CNTNAP5: variants seen among roughly 807,000 people sequenced by gnomAD.
CNTNAP5 encodes the protein contactin associated protein family member 5, also known as contactin-associated protein-like 5.
A neutral mutation model predicts 150.2 loss-of-function variants in CNTNAP5; 72 were observed. That is an observed-to-expected ratio of 0.48 (90% CI 0.40 to 0.58). The LOEUF (loss-of-function observed/expected upper bound fraction) is 0.58, where lower values mean the gene tolerates loss of function less well. CNTNAP5 is among the 20% of genes least tolerant of loss of function. The pLI, the probability that CNTNAP5 is intolerant of heterozygous loss-of-function variation, is 0.00. For synonymous variants in CNTNAP5, 672 were observed against 619.8 expected, an observed-to-expected ratio of 1.08 and a Z score of -1.25; for missense variants, 1,636 against 1,626.2, an observed-to-expected ratio of 1.01 and a Z score of -0.10.
Position 124,346,165 on chromosome 2 carries a change from T to A in CNTNAP5, c.382-71278T>A, listed in dbSNP as rs565840464. Among the ~76,000 whole-genome samples the A allele has an allele frequency of 2.0e-4, 31 of 152,256 alleles. No homozygotes were observed. In the South Asian group the frequency reaches 5.8e-3, roughly 28 times the overall value. ...TACCACACTCACTTGCTTACTTAAA[T>A]TCCAAGACGTTTTCTGGGCAGCAGA... On this transcript the variant is annotated intron_variant, in intron 3 of 23. Transcript: ENST00000682447.
chr2:124,588,469 T>TA (rs1234851534), intron 11 of CNTNAP5, among the ~76,000 whole-genome samples: 4 of 151,956 alleles, frequency 2.6e-5, no homozygotes, highest in Non-Finnish European at 5.9e-5. Context: ...ACCAATACTT[T>TA]AGAAGGTGTG....
chr2:124,094,336 G>C (rs1682883264), intron 1 of CNTNAP5, among the ~76,000 whole-genome samples: 1 of 152,102 alleles, frequency 6.6e-6, no homozygotes, highest in Non-Finnish European at 1.5e-5. Context: ...GAGTAATTCT[G>C]TTGATCTACC....
At chr2:124,058,464 TAGTA>T (rs1483385534) in intron 1 of CNTNAP5, among the ~76,000 whole-genome samples, 2 of 152,090 alleles carry the variant, frequency 1.3e-5, no homozygotes, top group Non-Finnish European at 1.5e-5. Flanking sequence ...ATCTCTCCCT[TAGTA>T]AGAGTTTGCT....
At chr2:124,130,001 G>A (rs924308834) in intron 1 of CNTNAP5, among the ~76,000 whole-genome samples, 1 of 152,016 alleles carries the variant, frequency 6.6e-6, no homozygotes, top group Non-Finnish European at 1.5e-5. Flanking sequence ...ATTAAATCCC[G>A]GTCTGGGATC....
In CNTNAP5 at chr2:124,423,161, G is replaced by T. The variant is rs562327866; in HGVS notation, c.529+5571G>T. 4.1e-4 allele frequency among the ~76,000 whole-genome samples: 63 copies of T among 152,278 alleles called. No individual in the cohort carries two copies. In the Middle Eastern group the frequency reaches 0.014, roughly 33 times the overall value. On this transcript the variant is annotated intron_variant, in intron 4 of 23. Coordinates refer to ENST00000682447, the MANE Select transcript of CNTNAP5 (RefSeq NM_001367498.1). ...CTTGGGCAATCTTGGGTCCTCTGTG[G>T]ACACCAGTTTCCTTTTCTATGAAAA...
At chr2:124,694,270 T>G (rs1392385962) in intron 13 of CNTNAP5, among the ~76,000 whole-genome samples, 1 of 152,318 alleles carries the variant, frequency 6.6e-6, no homozygotes, top group South Asian at 2.1e-4. Context: ...TTTTATTTAG[T>G]TCTTTGATGA....
At chr2:124,072,872 T>C (rs1212522824) in intron 1 of CNTNAP5, among the ~76,000 whole-genome samples, 1 of 151,888 alleles carries the variant, frequency 6.6e-6, no homozygotes, top group East Asian at 1.9e-4. Context: ...AAAACTTACA[T>C]ATAATTACAA....
rs535457125 is a variant in CNTNAP5, at chr2:124,724,864, G to C, written c.2078-22365G>C. Reference sequence around the variant, plus strand: ...GCAATTCGAAGGCAACTCCTTTACTGTGGTACATTAATCCCTCAGCTTCAA... The same window carrying C: ...GCAATTCGAAGGCAACTCCTTTACTCTGGTACATTAATCCCTCAGCTTCAA... On this transcript the variant is annotated intron_variant, in intron 13 of 23. Transcript: ENST00000682447. 1.3e-4 allele frequency among the ~76,000 whole-genome samples: 20 copies of C among 149,062 alleles called. No homozygotes were observed. In the South Asian group the frequency reaches 4.4e-3, roughly 32 times the overall value.
At chr2:124,279,734 G>C (rs1390131743) in intron 3 of CNTNAP5, among the ~76,000 whole-genome samples, 1 of 152,044 alleles carries the variant, frequency 6.6e-6, no homozygotes, top group Non-Finnish European at 1.5e-5. Flanking sequence ...TGTAAATAGG[G>C]TAGAGAGAAA....
chr2:124,454,873 AC>A (rs1255703320), intron 6 of CNTNAP5, among the ~76,000 whole-genome samples: 1 of 152,028 alleles, frequency 6.6e-6, no homozygotes, highest in Non-Finnish European at 1.5e-5. Flanking sequence ...ACCTATCAAA[AC>A]CTCTGGGATA....
At chr2:124,148,674 T>C (rs959977439) in intron 1 of CNTNAP5, among the ~76,000 whole-genome samples, 1 of 150,474 alleles carries the variant, frequency 6.6e-6, no homozygotes, top group African/African-American at 2.4e-5. Flanking sequence ...ATGCATATTA[T>C]ATGAGATATA....
At position 124,685,739 on chromosome 2, in the gene CNTNAP5, AGTGT is replaced by A. The variant is rs374079431; in HGVS notation, c.2077+37801_2077+37804del. Among the ~76,000 whole-genome samples the A allele has an allele frequency of 4.1e-4, 54 of 130,790 alleles. 1 individual carries two copies. The highest frequency in any genetic ancestry group is 6.1e-4 in the East Asian group (3 of 4,924). 85.8% of individuals were successfully genotyped at this position (130,790 alleles called of 152,430 possible). A position where few individuals can be genotyped will look rare whatever the true frequency, so the allele number is the denominator to read the frequency against. ...CTGTAGACACCCAATATCTAAAGTA[AGTGT>A]GTGTGTGTGTGTGTGTGTGCGCGCG... On this transcript the variant is annotated intron_variant, in intron 13 of 23. Coordinates refer to ENST00000682447, the MANE Select transcript of CNTNAP5 (RefSeq NM_001367498.1).
chr2:124,490,526 A>G lies in CNTNAP5; in HGVS notation c.1063-13766A>G, dbSNP rs373051540. Among the ~76,000 whole-genome samples the G allele has an allele frequency of 2.6e-5, 4 of 152,268 alleles. No homozygotes were observed. The East Asian group carries it at 5.8e-4, about 22-fold the overall frequency. On this transcript the variant is annotated intron_variant, in intron 7 of 23. Transcript: ENST00000682447. ...ACAATCTCTTTGAACAATAAAGATC[A>G]GTATATAAGAGTTCTTATGTAAGAA...
At position 124,917,612 on chromosome 2, in the gene CNTNAP5, T is replaced by C. The variant is rs1253897966; in HGVS notation, c.*3324T>C. Among the ~76,000 whole-genome samples, 1 of 152,126 alleles carries C rather than the reference T, an allele frequency of 6.6e-6. No individual in the cohort carries two copies. The stretch of plus-strand genomic sequence containing the variant: ...ATAACAGAGATGGTATTAACTTGAC[T>C]TCTACCTTTTGTCAGACTCATCTCC... On this transcript the variant is annotated 3_prime_UTR_variant, in exon 24 of 24. Coordinates refer to ENST00000682447, the MANE Select transcript of CNTNAP5 (RefSeq NM_001367498.1).
intron 3 of CNTNAP5, among the ~76,000 whole-genome samples, chr2:124,368,636 A>C (rs1690437328): frequency 6.6e-6 from 1 of 152,188 alleles, no homozygotes; most frequent in East Asian, 1.9e-4. Flanking sequence ...ATGAGGAGGC[A>C]CCTATATACT....
intron 13 of CNTNAP5, among the ~76,000 whole-genome samples, chr2:124,683,244 C>A (rs1007875301): frequency 6.6e-6 from 1 of 152,038 alleles, no homozygotes; most frequent in African/African-American, 2.4e-5. Flanking sequence ...GCTTTGTTGG[C>A]CCATTGCTGG....
intron 13 of CNTNAP5, among the ~76,000 whole-genome samples, chr2:124,724,923 C>CTTTTTTTTTT (rs71387242): frequency 1.8e-5 from 2 of 111,526 alleles, no homozygotes; most frequent in Non-Finnish European, 3.6e-5. Context: ...ATTCCCTTAG[C>CTTTTTTTTTT]TTTTTTTTTT....
intron 6 of CNTNAP5, among the ~76,000 whole-genome samples, chr2:124,460,779 C>T (rs1044165970): frequency 3.9e-5 from 6 of 152,150 alleles, no homozygotes; most frequent in Non-Finnish European, 7.3e-5. Context: ...ATGGACATCT[C>T]TCTAATAACA....
intron 13 of CNTNAP5, among the ~76,000 whole-genome samples, chr2:124,648,731 A>C (rs1434756294): frequency 6.6e-6 from 1 of 152,212 alleles, no homozygotes; most frequent in Non-Finnish European, 1.5e-5. Flanking sequence ...AGGGTTCATC[A>C]AAATTTACAT....
Sources: allele counts gnomAD v4.1 joint callset (sites outside exome capture counted in the v4.1 genomes callset), GRCh38; gene constraint gnomAD v4.1.1; transcripts MANE v1.5; gene names NCBI Gene and HGNC (gene_info 2026-07-23, HGNC 2026-07-21).